Variants in PDS5B observed in about 807,000 individuals in gnomAD.
The protein encoded by PDS5B is PDS5 cohesin associated factor B.
Under a neutral mutation model 184.1 loss-of-function variants are expected in PDS5B, and 51 were observed. That is an observed-to-expected ratio of 0.28 (90% CI 0.22 to 0.35). PDS5B has a LOEUF of 0.35. Ranked by LOEUF, PDS5B falls within the 10% of genes least tolerant of loss-of-function variation. PDS5B has a pLI of 1.00. For missense variants in PDS5B, 1,180 were observed against 1,723.3 expected, an observed-to-expected ratio of 0.68 and a Z score of 5.58; for synonymous variants, 566 against 569.2, an observed-to-expected ratio of 0.99 and a Z score of 0.08.
intron 1 of PDS5B, among the ~76,000 whole-genome samples, chr13:32,601,798 G>C (rs1191345740): frequency 6.6e-6 from 1 of 152,214 alleles, no homozygotes; most frequent in Non-Finnish European, 1.5e-5. Context: ...TAGCTAAGCA[G>C]ATTAAAGAAA....
At chr13:32,673,974 C>T (rs1329117077) in intron 8 of PDS5B, among the ~76,000 whole-genome samples, 14 of 151,982 alleles carry the variant, frequency 9.2e-5, no homozygotes, top group Non-Finnish European at 2.1e-4. Flanking sequence ...GCCACCACCC[C>T]TGCTAATTTT....
chr13:32,704,633 T>C (rs1020184825), intron 17 of PDS5B, among the ~76,000 whole-genome samples: 21 of 152,374 alleles, frequency 1.4e-4, no homozygotes, highest in Middle Eastern at 3.4e-3. Context: ...AATTCTTACA[T>C]GGTTTGGATC....
intron 1 of PDS5B, among the ~76,000 whole-genome samples, chr13:32,621,762 C>G (rs2058305233): frequency 1.3e-5 from 2 of 152,186 alleles, no homozygotes; most frequent in African/African-American, 4.8e-5. Context: ...AGGCTGCCTG[C>G]CTCTTTTTCT....
chr13:32,606,234 C>T (rs1412782791), intron 1 of PDS5B, among the ~76,000 whole-genome samples: 1 of 152,174 alleles, frequency 6.6e-6, no homozygotes, highest in Non-Finnish European at 1.5e-5. Flanking sequence ...TTAGTGCTTC[C>T]TTCAGGAGCT....
chr13:32,725,067 AT>A lies in PDS5B; in HGVS notation c.2124-7032del, dbSNP rs1236941447. Among the ~76,000 whole-genome samples the A allele has an allele frequency of 7.2e-5, 11 of 152,278 alleles. No homozygotes were observed. In the East Asian group the frequency reaches 2.1e-3, roughly 29 times the overall value. ...GTTGATATTAGTAGTCAGTCTTGAT[AT>A]TCTTATTGTCATTCTTCTTCATTTC... On this transcript the variant is annotated intron_variant, in intron 19 of 34. Coordinates refer to ENST00000315596, the MANE Select transcript of PDS5B (RefSeq NM_015032.4).
In PDS5B at chr13:32,770,110, T is replaced by A. The variant is rs1954727585; in HGVS notation, c.3625-11T>A. 6.4e-7 allele frequency: 1 copy of A among 1,569,326 alleles called. No individual in the cohort carries two copies. Among genetic ancestry groups the A allele is most frequent in the Non-Finnish European group, 8.6e-7 (1 of 1,164,262 alleles). ...TCATAACCATAAATTGTGATTTTTT[T>A]TTTCCCCTAGTCTGAATTGGAGAAG... On this transcript the variant is annotated splice_polypyrimidine_tract_variant and intron_variant, in intron 31 of 34. Transcript: ENST00000315596.
chr13:32,748,479 T>TTA (rs1403259342), intron 24 of PDS5B, among the ~76,000 whole-genome samples: 3 of 149,454 alleles, frequency 2.0e-5, no homozygotes, highest in Admixed American at 6.6e-5. Context: ...TTTTTTTTTT[T>TTA]AAATGTATGT....
At chr13:32,668,907 C>A (rs1159191164) in intron 7 of PDS5B, among the ~76,000 whole-genome samples, 1 of 152,096 alleles carries the variant, frequency 6.6e-6, no homozygotes, top group Non-Finnish European at 1.5e-5. Flanking sequence ...CTTAGAGAAT[C>A]CCAAGCATAC....
At chr13:32,634,239 A>C (rs752655830) in intron 1 of PDS5B, among the ~76,000 whole-genome samples, 1 of 152,216 alleles carries the variant, frequency 6.6e-6, no homozygotes, top group African/African-American at 2.4e-5. Context: ...CAACTGCCTT[A>C]TGTGATAATG....
chr13:32,747,245 G>A lies in PDS5B; in HGVS notation c.2736+1145G>A, dbSNP rs1285006449. On this transcript the variant is annotated intron_variant, in intron 24 of 34. Transcript: ENST00000315596. ...GTATGAGTTTTTCATTAATAATTTC[G>A]TTATTTTACACTTAGTTTTTCTCTT... Among the ~76,000 whole-genome samples the A allele has an allele frequency of 9.2e-5, 14 of 152,104 alleles. No individual in the cohort carries two copies. In the East Asian group the frequency reaches 2.3e-3, roughly 25 times the overall value.
intron 1 of PDS5B, among the ~76,000 whole-genome samples, chr13:32,589,348 C>CGAG (rs1382205102): frequency 6.6e-6 from 1 of 152,156 alleles, no homozygotes; most frequent in East Asian, 1.9e-4. Flanking sequence ...TACCCTCCAT[C>CGAG]CCCTTCTCAC....
At chr13:32,611,853 A>C (rs1354998821) in intron 1 of PDS5B, among the ~76,000 whole-genome samples, 1 of 151,880 alleles carries the variant, frequency 6.6e-6, no homozygotes, top group East Asian at 1.9e-4. Context: ...CATTGTCTGC[A>C]AGAAAAAATA....
intron 1 of PDS5B, among the ~76,000 whole-genome samples, chr13:32,628,390 C>CA (rs927649552): frequency 6.6e-6 from 1 of 151,824 alleles, no homozygotes; most frequent in Non-Finnish European, 1.5e-5. Flanking sequence ...CCCGTCTCTA[C>CA]AAAAAATACA....
intron 1 of PDS5B, among the ~76,000 whole-genome samples, chr13:32,645,301 G>A (rs1466038729): frequency 6.6e-6 from 1 of 152,184 alleles, no homozygotes; most frequent in African/African-American, 2.4e-5. Flanking sequence ...TTCTCATTGG[G>A]TTTTGTTGTC....
Position 32,605,744 on chromosome 13 carries a change from T to A in PDS5B, c.-20+19151T>A, listed in dbSNP as rs550902845. The stretch of plus-strand genomic sequence containing the variant: ...TGTCTAAGGACTTGCTTTATGAATC[T>A]GGGTGCTCCTGTATTGGGTGCATAA... On this transcript the variant is annotated intron_variant, in intron 1 of 34. Transcript: ENST00000315596. Among the ~76,000 whole-genome samples, 99 of 152,238 alleles carry A rather than the reference T, an allele frequency of 6.5e-4. 1 individual carries two copies. The highest frequency in any genetic ancestry group is 1.1e-3 in the Non-Finnish European group (76 of 68,008).
At chr13:32,751,163 A>G (rs1201043832) in intron 24 of PDS5B, among the ~76,000 whole-genome samples, 1 of 152,192 alleles carries the variant, frequency 6.6e-6, no homozygotes, top group Non-Finnish European at 1.5e-5. Flanking sequence ...CACTAAAGGT[A>G]ATGGCCTCCA....
chr13:32,692,390 TTAA>T (rs1186278921), intron 13 of PDS5B, among the ~76,000 whole-genome samples: 4 of 148,090 alleles, frequency 2.7e-5, no homozygotes, highest in African/African-American at 9.9e-5. Context: ...TTCTCTTTTA[TTAA>T]ACAAGTTTGC....
intron 1 of PDS5B, among the ~76,000 whole-genome samples, chr13:32,621,202 G>A (rs2058296493): frequency 6.6e-6 from 1 of 152,208 alleles, no homozygotes; most frequent in Admixed American, 6.5e-5. Context: ...GGTGGCTCAC[G>A]CCTGTAATCC....
At chr13:32,706,014 A>T (rs1046052927) in intron 17 of PDS5B, among the ~76,000 whole-genome samples, 5 of 152,216 alleles carry the variant, frequency 3.3e-5, no homozygotes, top group African/African-American at 1.2e-4. Context: ...GTGGTGGCTC[A>T]CATCTGTAAT....
Sources: allele counts gnomAD v4.1 joint callset (sites outside exome capture counted in the v4.1 genomes callset), GRCh38; gene constraint gnomAD v4.1.1; transcripts MANE v1.5; gene names NCBI Gene and HGNC (gene_info 2026-07-23, HGNC 2026-07-21).